LHPP: variants seen among roughly 807,000 people sequenced by gnomAD.
LHPP encodes the protein phospholysine phosphohistidine inorganic pyrophosphate phosphatase, also known as hLHPP.
In LHPP, 24 loss-of-function variants were observed where a neutral mutation model predicts 30.3. The observed-to-expected ratio is 0.79, with a 90% CI of 0.57 to 1.11. The LOEUF is 1.11. LHPP is among the 50% of genes most tolerant of loss of function. The pLI is 0.00. For synonymous variants in LHPP, 150 were observed against 157.1 expected, an observed-to-expected ratio of 0.95 and a Z score of 0.34; for missense variants, 356 against 367.2, an observed-to-expected ratio of 0.97 and a Z score of 0.25.
At chr10:124,494,429 T>C (rs1293103716) in intron 3 of LHPP, among the ~76,000 whole-genome samples, 1 of 152,230 alleles carries the variant, frequency 6.6e-6, no homozygotes, top group Admixed American at 6.5e-5. Flanking sequence ...TTTCTTTTGT[T>C]GCTGGGTAAG....
intron 5 of LHPP, among the ~76,000 whole-genome samples, chr10:124,513,106 T>TTTG (rs1328793515): frequency 1.7e-4 from 22 of 132,882 alleles, no homozygotes; most frequent in South Asian, 4.8e-4. Flanking sequence ...TTGTTTGTTT[T>TTTG]AAGACAGAGT....
rs1049261111 is a variant in LHPP at position 124,590,898 on chromosome 10, A to G, written c.717-22366A>G. Reference sequence around the variant, plus strand: ...AGGGATGGGACTGTGTCATTGGTAAACACTGCAACAGGCCTCCTTTCCAGG... The same window carrying G: ...AGGGATGGGACTGTGTCATTGGTAAGCACTGCAACAGGCCTCCTTTCCAGG... On this transcript the variant is annotated intron_variant, in intron 6 of 6. Coordinates refer to ENST00000368842, the MANE Select transcript of LHPP (RefSeq NM_022126.4). This position sits in a 1 kb window ranked among gnomAD's most constrained non-coding sequence, Gnocchi z 4.3. Among the ~76,000 whole-genome samples, 4 of 152,234 alleles carry G rather than the reference A, an allele frequency of 2.6e-5. No individual in the cohort carries two copies. The highest frequency in any genetic ancestry group is 2.6e-4 in the Admixed American group (4 of 15,288).
At chr10:124,533,314 C>T (rs1417886675) in intron 6 of LHPP, among the ~76,000 whole-genome samples, 3 of 152,222 alleles carry the variant, frequency 2.0e-5, no homozygotes, top group African/African-American at 7.2e-5. Context: ...AATGCACCCC[C>T]CAGAGCGGCT....
chr10:124,563,828 G>A (rs893502011), intron 6 of LHPP, among the ~76,000 whole-genome samples: 2 of 152,228 alleles, frequency 1.3e-5, no homozygotes, highest in Non-Finnish European at 2.9e-5. Context: ...TCAGAACAAT[G>A]ACAACTCTGG....
At chr10:124,493,002 G>A (rs1953578570) in intron 3 of LHPP, among the ~76,000 whole-genome samples, 1 of 151,986 alleles carries the variant, frequency 6.6e-6, no homozygotes, top group South Asian at 2.1e-4. Context: ...AGCCTGGGCA[G>A]CATAGTAAGA....
rs993676325 is a variant in LHPP, at chr10:124,523,482, C to A, written c.716+6211C>A. ...AAGCAGCAGCTTGTCCTGGGTCTTCCCAGACTTCGCAGTGACGGATTTCAG... is the reference window on the plus strand; with the variant it reads ...AAGCAGCAGCTTGTCCTGGGTCTTCACAGACTTCGCAGTGACGGATTTCAG... On this transcript the variant is annotated intron_variant, in intron 6 of 6. Coordinates refer to ENST00000368842, the MANE Select transcript of LHPP (RefSeq NM_022126.4). The surrounding 1 kb of genome is among the most constrained non-coding windows in gnomAD (Gnocchi z 4.2). 1.3e-5 allele frequency among the ~76,000 whole-genome samples: 2 copies of A among 152,218 alleles called. No homozygotes were observed. Among genetic ancestry groups the A allele is most frequent in the African/African-American group, 4.8e-5 (2 of 41,448 alleles).
At chr10:124,546,944 G>T in intron 6 of LHPP, among the ~76,000 whole-genome samples, 1 of 152,078 alleles carries the variant, frequency 6.6e-6, no homozygotes, top group African/African-American at 2.4e-5. Flanking sequence ...TGGTTTTCAT[G>T]TTTTCTGCAC....
intron 6 of LHPP, among the ~76,000 whole-genome samples, chr10:124,540,869 G>A (rs1421050931): frequency 6.6e-6 from 1 of 152,162 alleles, no homozygotes; most frequent in African/African-American, 2.4e-5. Flanking sequence ...AGGAACCTGG[G>A]CTCACTTCTT....
chr10:124,463,926 C>T (rs547915525), intron 1 of LHPP, among the ~76,000 whole-genome samples: 159 of 151,752 alleles, frequency 1.0e-3, no homozygotes, highest in African/African-American at 3.7e-3. Context: ...AAGAGATCCT[C>T]CCACCTCAGC....
At chr10:124,588,531 G>A (rs972374580) in intron 6 of LHPP, among the ~76,000 whole-genome samples, 2 of 152,064 alleles carry the variant, frequency 1.3e-5, no homozygotes, top group Non-Finnish European at 2.9e-5. Flanking sequence ...TGATCCGCCC[G>A]CCCAAAGTGC....
At chr10:124,575,911 A>G (rs1009990485) in intron 6 of LHPP, among the ~76,000 whole-genome samples, 1 of 152,190 alleles carries the variant, frequency 6.6e-6, no homozygotes, top group Non-Finnish European at 1.5e-5. Flanking sequence ...GCAGAGAGCC[A>G]GGGCTGGGTG....
intron 6 of LHPP, among the ~76,000 whole-genome samples, chr10:124,585,610 A>G (rs1024406060): frequency 1.4e-4 from 20 of 145,028 alleles, no homozygotes; most frequent in African/African-American, 4.9e-4. Context: ...ACGAGACTCT[A>G]TCTCTAAAAA....
intron 6 of LHPP, among the ~76,000 whole-genome samples, chr10:124,562,472 T>G (rs1446419322): frequency 6.6e-6 from 1 of 151,536 alleles, no homozygotes. Context: ...GGCAGGAAAA[T>G]AGAGATGACC....
chr10:124,499,401 T>G (rs1291335233), intron 5 of LHPP, among the ~76,000 whole-genome samples: 1 of 151,694 alleles, frequency 6.6e-6, no homozygotes, highest in Admixed American at 6.6e-5. Flanking sequence ...CCCAACACTT[T>G]GGGAGGCTGA....
chr10:124,490,998 G>T (rs1261812549), intron 3 of LHPP, among the ~76,000 whole-genome samples: 1 of 151,648 alleles, frequency 6.6e-6, no homozygotes, highest in Non-Finnish European at 1.5e-5. Context: ...GAATCACAGG[G>T]TTCTGCACAG....
Position 124,589,869 on chromosome 10 carries a change from T to C in LHPP, c.717-23395T>C, listed in dbSNP as rs552616841. 2.9e-3 allele frequency among the ~76,000 whole-genome samples: 438 copies of C among 152,310 alleles called. 5 individuals carry two copies. Among genetic ancestry groups the C allele is most frequent in the Non-Finnish European group, 5.3e-3 (363 of 68,024 alleles). ...TCCTCCAGCCCCGCTCGGCTCTGAATGAGTTCATTATGTCTCAGCGCGCCC... is the reference window on the plus strand; with the variant it reads ...TCCTCCAGCCCCGCTCGGCTCTGAACGAGTTCATTATGTCTCAGCGCGCCC... On this transcript the variant is annotated intron_variant, in intron 6 of 6. Transcript: ENST00000368842.
At chr10:124,540,934 T>C (rs186295542) in intron 6 of LHPP, among the ~76,000 whole-genome samples, 4 of 152,344 alleles carry the variant, frequency 2.6e-5, no homozygotes, top group Admixed American at 2.6e-4. Context: ...GTTTAATTTA[T>C]TTTAAAATTA....
chr10:124,568,830 C>T (rs527854855), intron 6 of LHPP, among the ~76,000 whole-genome samples: 1 of 152,214 alleles, frequency 6.6e-6, no homozygotes, highest in East Asian at 1.9e-4. Flanking sequence ...AACAACAGTC[C>T]TGCTGCCGGT....
chr10:124,462,528 A>G (rs937156810), intron 1 of LHPP, among the ~76,000 whole-genome samples: 2 of 152,100 alleles, frequency 1.3e-5, no homozygotes, highest in African/African-American at 4.8e-5. Context: ...CCAGGAGGTC[A>G]AGGCTACAGT....
Sources: allele counts gnomAD v4.1 joint callset (sites outside exome capture counted in the v4.1 genomes callset), GRCh38; gene constraint gnomAD v4.1.1; non-coding constraint Gnocchi (gnomAD v3.1); transcripts MANE v1.5; gene names NCBI Gene and HGNC (gene_info 2026-07-23, HGNC 2026-07-21).